Variants in HSPG2 observed in about 807,000 individuals in gnomAD.
The protein encoded by HSPG2 is heparan sulfate proteoglycan 2.
Under a neutral mutation model 526.6 loss-of-function variants are expected in HSPG2, and 278 were observed. The ratio of observed to expected loss-of-function variants is 0.53; its 90% confidence interval spans 0.48 to 0.58. HSPG2 has a LOEUF of 0.58. HSPG2 is among the 20% of genes least tolerant of loss of function. The probability of loss-of-function intolerance (pLI) is 0.00; values close to 1 mark genes in which losing one functional copy is unlikely to be tolerated. For synonymous variants in HSPG2, 2,465 were observed against 2,555.4 expected, an observed-to-expected ratio of 0.96 and a Z score of 1.07; for missense variants, 5,354 against 6,099.5, an observed-to-expected ratio of 0.88 and a Z score of 4.07.
chr1:21,845,033 G>A (rs1638318858), intron 64 of HSPG2, among the ~76,000 whole-genome samples: 1 of 152,180 alleles, frequency 6.6e-6, no homozygotes, highest in Non-Finnish European at 1.5e-5. Context: ...GGATCATGAG[G>A]TCAGGAGTTC....
Position 21,885,420 on chromosome 1 carries a change from G to A in HSPG2, c.1110C>T (p.Pro370=). 1 of 1,614,088 alleles carries A rather than the reference G, an allele frequency of 6.2e-7. No homozygotes were observed. Among genetic ancestry groups the A allele is most frequent in the Admixed American group, 1.7e-5 (1 of 60,016 alleles). ...PTKRPEEVCG[P]TQFRCVSTNM... is the part of the protein sequence containing the mutation. ...TGGTAGAGACGCATCGGAACTGTGT[G>A]GGCCCGCACACTTCCTCAGGACGCT... Residue 370 remains proline (P), a synonymous_variant, in exon 10 of 97, where the codon CCC becomes CCT. Transcript: ENST00000374695.
chr1:21,927,470 C>T (rs760827903), intron 1 of HSPG2, among the ~76,000 whole-genome samples: 20 of 152,184 alleles, frequency 1.3e-4, no homozygotes, highest in Admixed American at 9.2e-4. Context: ...CAGGCAAGGT[C>T]CTGCCTCCTC....
intron 33 of HSPG2, among the ~76,000 whole-genome samples, chr1:21,868,295 C>T (rs1215254960): frequency 6.6e-6 from 1 of 152,170 alleles, no homozygotes; most frequent in Non-Finnish European, 1.5e-5. Context: ...GCCCCAGTCT[C>T]CCAAAGTGTT....
rs896082703 is a variant in HSPG2, at chr1:21,874,623, G to A, written c.3521C>T (p.Ala1174Val). ...AAGGAGGGCGGGACTTACCTGGCAG[G>A]CACCTGTTTCTGGCTCGCAGGCCTC... ...HSEACEPETG[A>V]CQGCQHHTEG... The change falls in exon 27 of 97, where the codon GCC becomes GTC. Residue 1174 changes from alanine (A) to valine (V), a missense_variant. Transcript: ENST00000374695. 7 of 1,613,842 alleles carry A rather than the reference G, an allele frequency of 4.3e-6. No homozygotes were observed. The highest frequency in any genetic ancestry group is 1.3e-5 in the African/African-American group (1 of 74,938).
Position 21,855,823 on chromosome 1 carries a change from C to T in HSPG2, c.5665G>A (p.Ala1889Thr), listed in dbSNP as rs761864990. The T allele has an allele frequency of 1.1e-5, 18 of 1,613,046 alleles. No homozygotes were observed. Among genetic ancestry groups the T allele is most frequent in the Admixed American group, 6.7e-5 (4 of 59,984 alleles). The change falls in exon 45 of 97, where the codon GCC (alanine) becomes ACC (threonine). Residue 1889 changes from alanine to threonine, a missense_variant. Transcript: ENST00000374695. Reference sequence around the variant, plus strand: ...AGGGTGGGCGTGGGGCTCCCTGTGGCGCTGCAGCGGAACTCCGCCAGTTGC... The same window carrying T: ...AGGGTGGGCGTGGGGCTCCCTGTGGTGCTGCAGCGGAACTCCGCCAGTTGC... ...PGQLAEFRCS[A>T]TGSPTPTLEW...
intron 47 of HSPG2, 67 bp downstream of exon 47, chr1:21,855,237 G>C (rs946044045): frequency 1.2e-5 from 19 of 1,541,300 alleles, no homozygotes; most frequent in Non-Finnish European, 1.7e-5. Context: ...GAAGGGGGAG[G>C]GAAGGTGGCT....
Position 21,831,025 on chromosome 1 carries a change from G to T in HSPG2, c.11628C>A (p.Thr3876=), listed in dbSNP as rs375746090. Residue 3876 remains threonine, a synonymous_variant, in exon 85 of 97, where the codon ACC becomes ACA. Coordinates refer to ENST00000374695, the MANE Select transcript of HSPG2 (RefSeq NM_005529.7). ...SYVCVCPAGF[T]GSRCEHSQAL... ...CCTGCGAGTGCTCACAGCGGCTCCC[G>T]GTGAAGCCAGCTGGGCAGACGCACA... 35 of 1,590,804 alleles carry T rather than the reference G, an allele frequency of 2.2e-5. No homozygotes were observed. Among genetic ancestry groups the T allele is most frequent in the Non-Finnish European group, 2.8e-5 (33 of 1,169,046 alleles).
In HSPG2 at chr1:21,910,825, C is replaced by G. The variant is rs191654075; in HGVS notation, c.64-14515G>C. On this transcript the variant is annotated intron_variant, in intron 1 of 96. Transcript: ENST00000374695. ...ACACATCAAGCCTTATGCTAAGTAC[C>G]TGATGTTAATTATCTGATTTAATTT... Among the ~76,000 whole-genome samples, 49 of 152,206 alleles carry G rather than the reference C, an allele frequency of 3.2e-4. 1 individual carries two copies. The highest frequency in any genetic ancestry group is 2.9e-5 in the Non-Finnish European group (2 of 68,016).
rs1198907650 is a variant in HSPG2, at chr1:21,848,843, G to C, written c.7586-49C>G. 6 of 1,613,152 alleles carry C rather than the reference G, an allele frequency of 3.7e-6. No homozygotes were observed. The highest frequency in any genetic ancestry group is 4.2e-6 in the Non-Finnish European group (5 of 1,179,946). ...GGGTGTGGGAGCTGCTGAGGGTGCA[G>C]TCGGGGTCCCCCAGCCCTCCACCAT... On this transcript the variant is annotated intron_variant, in intron 58 of 96. Coordinates refer to ENST00000374695, the MANE Select transcript of HSPG2 (RefSeq NM_005529.7). This position sits in a 1 kb window ranked among gnomAD's most constrained non-coding sequence, Gnocchi z 4.9.
At position 21,833,820 on chromosome 1, in the gene HSPG2, C is replaced by T. The variant is rs1483215675; in HGVS notation, c.10826G>A (p.Ser3609Asn). The T allele has an allele frequency of 1.3e-6, 2 of 1,592,660 alleles. No homozygotes were observed. The highest frequency in any genetic ancestry group is 1.7e-6 in the Non-Finnish European group (2 of 1,168,822). ...GGTTCCCTCTCCAGCACTTACCTTG[C>T]TCCAGCTGATGTCAGGAGTGGGGTA... Reference protein sequence around the residue: ...SGYPTPDISWSKLDGSLPPDS... With the variant: ...SGYPTPDISWNKLDGSLPPDS... Residue 3609 changes from serine to asparagine, a missense_variant, in exon 78 of 97, where the codon AGC (serine) becomes AAC (asparagine). Transcript: ENST00000374695.
At chr1:21,856,929 C>T in intron 44 of HSPG2, 86 bp downstream of exon 44, 1 of 1,395,892 alleles carries the variant, frequency 7.2e-7, no homozygotes, top group South Asian at 1.2e-5. Context: ...CAGAAATGAT[C>T]AGCAGAATGA....
chr1:21,926,289 C>G (rs1010505396), intron 1 of HSPG2, among the ~76,000 whole-genome samples: 1 of 152,154 alleles, frequency 6.6e-6, no homozygotes, highest in Non-Finnish European at 1.5e-5. Flanking sequence ...TGTCAGCACT[C>G]AGGGAACATT....
intron 42 of HSPG2, among the ~76,000 whole-genome samples, chr1:21,857,995 C>T (rs1008173203): frequency 6.6e-6 from 1 of 152,192 alleles, no homozygotes; most frequent in African/African-American, 2.4e-5. Context: ...CCTTCTCATG[C>T]GATCACTTCG....
intron 1 of HSPG2, among the ~76,000 whole-genome samples, chr1:21,920,582 T>C (rs1644009785): frequency 1.3e-5 from 2 of 152,204 alleles, no homozygotes; most frequent in South Asian, 4.1e-4. Context: ...AGGCTGCAGT[T>C]TAATGTTATA....
In HSPG2 at chr1:21,865,872, G is replaced by T; in HGVS notation, c.4222-63C>A. Reference sequence around the variant, plus strand: ...TGGGGTGTGAGTGTTGGACCATATAGGTGAGGGATGGAGCATCTGGCGGCC... The same window carrying T: ...TGGGGTGTGAGTGTTGGACCATATATGTGAGGGATGGAGCATCTGGCGGCC... On this transcript the variant is annotated intron_variant, in intron 33 of 96. Transcript: ENST00000374695. This position sits in a 1 kb window ranked among gnomAD's most constrained non-coding sequence, Gnocchi z 5.4. The T allele has an allele frequency of 7.9e-7, 1 of 1,269,092 alleles. No homozygotes were observed. The highest frequency in any genetic ancestry group is 1.2e-6 in the Non-Finnish European group (1 of 869,052). 78.6% of individuals were successfully genotyped at this position (1,269,092 alleles called of 1,614,324 possible). A position where few individuals can be genotyped will look rare whatever the true frequency, so the allele number is the denominator to read the frequency against.
At chr1:21,873,151 C>T (rs1369210339) in intron 30 of HSPG2, 60 bp from the exon 31 acceptor site, 1 of 1,382,462 alleles carries the variant, frequency 7.2e-7, no homozygotes, top group Non-Finnish European at 1.0e-6. Context: ...CCCCTCTTCC[C>T]TCCACTCTGC....
intron 1 of HSPG2, among the ~76,000 whole-genome samples, chr1:21,925,831 CTGGA>C (rs1190664358): frequency 6.6e-6 from 1 of 152,044 alleles, no homozygotes; most frequent in Admixed American, 6.6e-5. Context: ...GTGGCACGTA[CTGGA>C]TGGATGAAGG....
At chr1:21,854,555 C>A in intron 49 of HSPG2, 56 bp downstream of exon 49, 2 of 1,519,774 alleles carry the variant, frequency 1.3e-6, no homozygotes, top group East Asian at 2.5e-5. Flanking sequence ...CAGGCCCCGC[C>A]TCCGCCACAG....
At chr1:21,900,908 A>T (rs1264868996) in intron 1 of HSPG2, among the ~76,000 whole-genome samples, 4 of 151,872 alleles carry the variant, frequency 2.6e-5, no homozygotes, top group Admixed American at 2.0e-4. Flanking sequence ...TAGCAAGCTC[A>T]TTGGGTGCCA....
Sources: gnomAD v4.1 joint callset for allele counts (sites outside exome capture counted in the v4.1 genomes callset) on GRCh38, gnomAD v4.1.1 for gene constraint, Gnocchi (gnomAD v3.1) non-coding constraint, MANE v1.5 for transcripts, NCBI Gene and HGNC (gene_info 2026-07-23, HGNC 2026-07-21) for gene names.